The following SNX9 variants were observed in gnomAD, a reference collection of about 807,000 sequenced individuals.
SNX9 encodes sorting nexin 9.
A neutral mutation model predicts 89.4 loss-of-function variants in SNX9; 44 were observed. The ratio of observed to expected loss-of-function variants is 0.49; its 90% CI spans 0.39 to 0.63. SNX9 has a LOEUF of 0.63. SNX9 is among the 30% of genes least tolerant of loss of function. SNX9 has a pLI of 0.00. For missense variants in SNX9, 578 were observed against 736.1 expected, an observed-to-expected ratio of 0.79 and a Z score of 2.49; for synonymous variants, 236 against 247.8, an observed-to-expected ratio of 0.95 and a Z score of 0.45.
intron 4 of SNX9, among the ~76,000 whole-genome samples, chr6:157,876,266 A>G (rs1053059545): frequency 2.0e-5 from 3 of 152,164 alleles, no homozygotes; most frequent in African/African-American, 4.8e-5. Context: ...ATCCTGGCCA[A>G]CATGGTGAAA....
chr6:157,887,821 C>T (rs183427741), intron 4 of SNX9, among the ~76,000 whole-genome samples: 41 of 152,236 alleles, frequency 2.7e-4, no homozygotes, highest in Non-Finnish European at 5.3e-4. Flanking sequence ...AGGAGAGTTG[C>T]GCCTGAAAAG....
chr6:157,927,487 T>C (rs1783718941), intron 11 of SNX9, among the ~76,000 whole-genome samples: 1 of 152,186 alleles, frequency 6.6e-6, no homozygotes, highest in Non-Finnish European at 1.5e-5. Context: ...AATAGTGTGA[T>C]GAAACCAAGC....
chr6:157,903,676 A>T (rs928561424), intron 6 of SNX9, among the ~76,000 whole-genome samples: 3 of 152,212 alleles, frequency 2.0e-5, no homozygotes. Flanking sequence ...CTGATGAGTG[A>T]GGTTCCAGCT....
At chr6:157,873,357 C>G (rs1282491843) in intron 3 of SNX9, among the ~76,000 whole-genome samples, 181 bp downstream of exon 3, 4 of 150,594 alleles carry the variant, frequency 2.7e-5, no homozygotes, top group African/African-American at 9.7e-5. Flanking sequence ...AAAATATTAC[C>G]TGTAGACCCA....
chr6:157,893,986 G>T (rs942843386), intron 4 of SNX9, among the ~76,000 whole-genome samples: 1 of 152,008 alleles, frequency 6.6e-6, no homozygotes, highest in Admixed American at 6.5e-5. Context: ...TGATGAAGGC[G>T]GCATTTCAAA....
At chr6:157,857,550 A>T (rs1272780773) in intron 1 of SNX9, among the ~76,000 whole-genome samples, 1 of 151,854 alleles carries the variant, frequency 6.6e-6, no homozygotes, top group Non-Finnish European at 1.5e-5. Flanking sequence ...ATAGTTACTT[A>T]TTTGTTCTAA....
chr6:157,899,247 A>C (rs1335108835), intron 5 of SNX9, among the ~76,000 whole-genome samples: 1 of 152,032 alleles, frequency 6.6e-6, no homozygotes, highest in Non-Finnish European at 1.5e-5. Context: ...CGGTCTTTTT[A>C]ATGTCCCCCT....
intron 1 of SNX9, among the ~76,000 whole-genome samples, chr6:157,832,242 A>G (rs1184033542): frequency 6.6e-6 from 1 of 152,246 alleles, no homozygotes; most frequent in East Asian, 1.9e-4. Context: ...TAAGTCAGAC[A>G]CTTAACTTTA....
At chr6:157,922,220 C>T (rs1783598279) in intron 10 of SNX9, among the ~76,000 whole-genome samples, 1 of 152,160 alleles carries the variant, frequency 6.6e-6, no homozygotes. Flanking sequence ...ATCAAGGAAA[C>T]GTTGGCTGCC....
At chr6:157,854,479 T>G (rs545199171) in intron 1 of SNX9, among the ~76,000 whole-genome samples, 1 of 152,248 alleles carries the variant, frequency 6.6e-6, no homozygotes, top group South Asian at 2.1e-4. Flanking sequence ...TAAGAGTATG[T>G]AAGCATATAC....
At chr6:157,866,103 C>A (rs1489515844) in intron 1 of SNX9, among the ~76,000 whole-genome samples, 1 of 152,118 alleles carries the variant, frequency 6.6e-6, no homozygotes, top group East Asian at 1.9e-4. Context: ...ATATATAAAA[C>A]ATTTTAAACA....
chr6:157,831,339 G>A (rs1277310694), intron 1 of SNX9, among the ~76,000 whole-genome samples: 1 of 152,192 alleles, frequency 6.6e-6, no homozygotes, highest in Non-Finnish European at 1.5e-5. Context: ...GTCTCCTGGG[G>A]ACATTACATC....
intron 2 of SNX9, among the ~76,000 whole-genome samples, chr6:157,870,019 G>A (rs1029677430): frequency 2.0e-5 from 3 of 150,364 alleles, no homozygotes; most frequent in East Asian, 3.9e-4. Flanking sequence ...ACCCACAGTC[G>A]CATGCTCACA....
intron 1 of SNX9, among the ~76,000 whole-genome samples, chr6:157,825,002 CT>C (rs1471476644): frequency 6.6e-6 from 1 of 152,132 alleles, no homozygotes; most frequent in Non-Finnish European, 1.5e-5. Flanking sequence ...AATTCCAGCA[CT>C]TTGGGAGGCC....
intron 4 of SNX9, among the ~76,000 whole-genome samples, chr6:157,884,299 G>C (rs1477101375): frequency 6.6e-6 from 1 of 152,104 alleles, no homozygotes; most frequent in Admixed American, 6.5e-5. Flanking sequence ...TTGTTGCAAA[G>C]GAATTTTTAT....
chr6:157,898,298 C>G (rs1036884268), intron 5 of SNX9, among the ~76,000 whole-genome samples: 9 of 152,218 alleles, frequency 5.9e-5, no homozygotes, highest in South Asian at 2.1e-4. Context: ...TGTGAAGTCA[C>G]AGATTCAAAC....
At chr6:157,847,162 G>A (rs997393512) in intron 1 of SNX9, among the ~76,000 whole-genome samples, 1 of 152,318 alleles carries the variant, frequency 6.6e-6, no homozygotes, top group Non-Finnish European at 1.5e-5. Context: ...GAATGCAGTA[G>A]CATGATACCA....
intron 4 of SNX9, among the ~76,000 whole-genome samples, chr6:157,880,100 C>G (rs1012302469): frequency 6.6e-5 from 10 of 152,264 alleles, no homozygotes; most frequent in African/African-American, 1.9e-4. Context: ...TGTTTCACAC[C>G]CCGCCAGTCC....
intron 4 of SNX9, among the ~76,000 whole-genome samples, chr6:157,888,767 A>G (rs1782790988): frequency 6.6e-6 from 1 of 152,066 alleles, no homozygotes; most frequent in South Asian, 2.1e-4. Flanking sequence ...ATCTTACAGG[A>G]GCTCTTCTTG....
Sources: gnomAD v4.1 joint callset for allele counts (sites outside exome capture counted in the v4.1 genomes callset) on GRCh38, gnomAD v4.1.1 for gene constraint, MANE v1.5 for transcripts, NCBI Gene and HGNC (gene_info 2026-07-23, HGNC 2026-07-21) for gene names.